TBC1D2B: variants seen among roughly 807,000 people sequenced by gnomAD.
TBC1D2B encodes TBC1 domain family, member 2B.
In TBC1D2B, 64 loss-of-function variants were observed where a neutral mutation model predicts 100.8. The ratio of observed to expected loss-of-function variants is 0.64; its 90% confidence interval spans 0.52 to 0.78. The LOEUF is 0.78. Among genes scored for constraint, TBC1D2B ranks in the 30% least tolerant of loss-of-function variants. TBC1D2B has a pLI of 0.00. For synonymous variants in TBC1D2B, 480 were observed against 479.7 expected, an observed-to-expected ratio of 1.00 and a Z score of -0.01; for missense variants, 1,052 against 1,218.4, an observed-to-expected ratio of 0.86 and a Z score of 2.03.
chr15:78,072,604 A>G (rs540659055), intron 1 of TBC1D2B, among the ~76,000 whole-genome samples: 36 of 152,224 alleles, frequency 2.4e-4, no homozygotes, highest in Non-Finnish European at 7.3e-5. Flanking sequence ...GTACACAGCT[A>G]TTCAGTTACG....
intron 1 of TBC1D2B, among the ~76,000 whole-genome samples, chr15:78,066,442 C>T (rs1394460349): frequency 6.6e-6 from 1 of 152,122 alleles, no homozygotes; most frequent in Non-Finnish European, 1.5e-5. Context: ...CACAGGGAAG[C>T]CACAGAGATC....
chr15:78,045,186 T>C (rs2073171453), intron 2 of TBC1D2B, 118 bp from the exon 3 acceptor site: 3 of 867,448 alleles, frequency 3.5e-6, no homozygotes, highest in Non-Finnish European at 3.4e-6. Context: ...AATAGTATAT[T>C]TTTAATGTAT....
At chr15:78,046,838 G>A (rs954239476) in intron 2 of TBC1D2B, among the ~76,000 whole-genome samples, 4 of 152,108 alleles carry the variant, frequency 2.6e-5, no homozygotes, top group Non-Finnish European at 4.4e-5. Context: ...CTCTGGTAAA[G>A]GTCACTGAGC....
chr15:78,023,203 C>T (rs568687714), intron 6 of TBC1D2B, among the ~76,000 whole-genome samples: 1 of 152,292 alleles, frequency 6.6e-6, no homozygotes, highest in Non-Finnish European at 1.5e-5. Flanking sequence ...AGCCAAACAC[C>T]CTCGGAGACA....
chr15:78,025,131 G>T, intron 5 of TBC1D2B, 128 bp downstream of exon 5: 2 of 748,872 alleles, frequency 2.7e-6, no homozygotes, highest in Non-Finnish European at 2.2e-6. Context: ...GAAACCTCCA[G>T]GGGAAAAGCA....
At position 78,030,001 on chromosome 15, in the gene TBC1D2B, T is replaced by G. The variant is rs1408107114; in HGVS notation, c.847+6A>C. On this transcript the variant is annotated splice_donor_region_variant and intron_variant, in intron 4 of 12. Coordinates refer to ENST00000300584, the MANE Select transcript of TBC1D2B (RefSeq NM_144572.2). ...GAATGACAGACAACAGGAAGTACAT[T>G]GATACCTTTGTTTCCTTCAGGGGTC... The G allele has an allele frequency of 1.2e-6, 2 of 1,604,218 alleles. No individual in the cohort carries two copies. The highest frequency in any genetic ancestry group is 1.7e-6 in the Non-Finnish European group (2 of 1,176,264).
intron 3 of TBC1D2B, among the ~76,000 whole-genome samples, chr15:78,031,601 G>GTTCTGT (rs995368833): frequency 7.5e-6 from 1 of 132,932 alleles, no homozygotes; most frequent in African/African-American, 2.7e-5. Flanking sequence ...TTTTAGTAAA[G>GTTCTGT]TTCTGTTTTT....
Position 77,997,972 on chromosome 15 carries a change from G to C in TBC1D2B, c.*188C>G, listed in dbSNP as rs1214903782. On this transcript the variant is annotated 3_prime_UTR_variant, in exon 13 of 13. Coordinates refer to ENST00000300584, the MANE Select transcript of TBC1D2B (RefSeq NM_144572.2). ...CCAAAAGCATGGCACGGAAATGGTT[G>C]TAAACAGATTAGACCTCCCACCCCT... 5 of 490,078 alleles carry C rather than the reference G, an allele frequency of 1.0e-5. No homozygotes were observed. Among genetic ancestry groups the C allele is most frequent in the African/African-American group, 1.0e-4 (5 of 50,096 alleles). The allele number at this position is 490,078 out of a possible 1,614,324, so 30.4% of individuals were successfully genotyped here.
At chr15:78,070,129 C>G (rs1339903527) in intron 1 of TBC1D2B, among the ~76,000 whole-genome samples, 1 of 152,206 alleles carries the variant, frequency 6.6e-6, no homozygotes, top group East Asian at 1.9e-4. Context: ...AAGGCTATGT[C>G]CCCTTCACTC....
At chr15:78,045,553 A>G (rs998964126) in intron 2 of TBC1D2B, among the ~76,000 whole-genome samples, 10 of 140,562 alleles carry the variant, frequency 7.1e-5, no homozygotes, top group Non-Finnish European at 1.6e-4. Context: ...ACAGTGAAAA[A>G]ATAAAGTTTG....
At position 77,998,351 on chromosome 15, in the gene TBC1D2B, G is replaced by A. The variant is rs1469890437; in HGVS notation, c.2701C>T (p.Leu901=). 1.3e-6 allele frequency: 2 copies of A among 1,576,358 alleles called. No homozygotes were observed. Among genetic ancestry groups the A allele is most frequent in the South Asian group, 2.3e-5 (2 of 86,012 alleles). The part of the protein sequence containing the change: ...FTRTILDARK[L]ISISFGDLNP... ...AGGTCCCCAAAGGAGATACTGATCA[G>A]CTTCCTGGCAGGACGCAGGGGAGAG... Residue 901 remains leucine (L), a synonymous_variant, in exon 13 of 13, where the codon CTG becomes TTG. Coordinates refer to ENST00000300584, the MANE Select transcript of TBC1D2B (RefSeq NM_144572.2).
chr15:78,057,383 T>C (rs1273729618), intron 1 of TBC1D2B, among the ~76,000 whole-genome samples: 2 of 151,906 alleles, frequency 1.3e-5, no homozygotes, highest in African/African-American at 4.8e-5. Context: ...GGCTCACACC[T>C]GTAATCTCAG....
intron 1 of TBC1D2B, among the ~76,000 whole-genome samples, chr15:78,074,100 T>C (rs993766084): frequency 1.3e-5 from 2 of 148,778 alleles, no homozygotes; most frequent in African/African-American, 5.0e-5. Context: ...CTCGGCTCAC[T>C]GCAACCTCCG....
At chr15:78,043,171 C>A (rs567216953) in intron 3 of TBC1D2B, among the ~76,000 whole-genome samples, 3 of 152,086 alleles carry the variant, frequency 2.0e-5, no homozygotes, top group Admixed American at 2.0e-4. Flanking sequence ...AATTCAACCA[C>A]GAAGGTACAA....
At chr15:78,017,291 C>T (rs1375098276) in intron 7 of TBC1D2B, 2 of 153,732 alleles carry the variant, frequency 1.3e-5, no homozygotes, top group Admixed American at 6.5e-5. Context: ...CATTTGATGA[C>T]AGCTGAAATG....
intron 1 of TBC1D2B, among the ~76,000 whole-genome samples, chr15:78,059,153 AG>A (rs2073489458): frequency 6.6e-6 from 1 of 152,230 alleles, no homozygotes. Context: ...TTCTCTGAAT[AG>A]GGAGCTCAGA....
Position 78,003,455 on chromosome 15 carries a change from C to G in TBC1D2B, c.2424G>C (p.Glu808Asp), listed in dbSNP as rs2071972137. Residue 808 changes from glutamate to aspartate, a missense_variant, in exon 11 of 13, where the codon GAG becomes GAC. Physicochemically the swap from Glu to Asp is conservative, Grantham distance 45. Around this residue, in one of 4 missense-constraint regions of TBC1D2B, gnomAD observed 373 missense variants for 464.9 expected, o/e 0.80. Coordinates refer to ENST00000300584, the MANE Select transcript of TBC1D2B (RefSeq NM_144572.2). ...AGTGGCCATGCAACCGAGGCAGCTT[C>G]TCACTCATAAGGTCTCTGAACACCC... ...DQRVFRDLMS[E>D]KLPRLHGHFE... The G allele has an allele frequency of 6.2e-7, 1 of 1,613,430 alleles. No individual in the cohort carries two copies.
At chr15:78,050,211 C>A (rs1338654712) in intron 2 of TBC1D2B, among the ~76,000 whole-genome samples, 1 of 152,090 alleles carries the variant, frequency 6.6e-6, no homozygotes, top group East Asian at 1.9e-4. Context: ...CCCACGCCAT[C>A]CCCTTGCACA....
At chr15:78,037,348 C>A (rs983737916) in intron 3 of TBC1D2B, among the ~76,000 whole-genome samples, 2 of 152,220 alleles carry the variant, frequency 1.3e-5, no homozygotes, top group African/African-American at 4.8e-5. Flanking sequence ...CTCCATCTCT[C>A]AAGCCCTTTA....
Sources: gnomAD v4.1 joint callset for allele counts (sites outside exome capture counted in the v4.1 genomes callset) on GRCh38, gnomAD v4.1.1 for gene constraint, gnomAD v4.1.1 regional missense constraint, MANE v1.5 for transcripts, NCBI Gene and HGNC (gene_info 2026-07-23, HGNC 2026-07-21) for gene names.